Variants in DNAH6 observed in about 807,000 individuals in gnomAD.
The protein encoded by DNAH6 is axonemal beta dynein heavy chain 6.
Under a neutral mutation model 491.4 loss-of-function variants are expected in DNAH6, and 340 were observed. The observed-to-expected ratio is 0.69, with a 90% CI of 0.63 to 0.76. DNAH6 has a LOEUF of 0.76. Among genes scored for constraint, DNAH6 ranks in the 30% least tolerant of loss-of-function variants. DNAH6 has a pLI of 0.00. For missense variants in DNAH6, 4,443 were observed against 4,972.2 expected (o/e 0.89, Z 3.20); for synonymous variants, 1,603 against 1,686.1 (o/e 0.95, Z 1.21).
At chr2:84,714,860 A>G (rs1414894871) in intron 57 of DNAH6, among the ~76,000 whole-genome samples, 1 of 151,002 alleles carries the variant, frequency 6.6e-6, no homozygotes, top group Non-Finnish European at 1.5e-5. Flanking sequence ...TAATATGGTA[A>G]ATATTACAAA....
In DNAH6 at chr2:84,812,259, G is replaced by T. The variant is rs368856301; in HGVS notation, c.11740-82G>T. On this transcript the variant is annotated intron_variant, in intron 72 of 76. Coordinates refer to ENST00000389394, the MANE Select transcript of DNAH6 (RefSeq NM_001370.2). Reference sequence around the variant, plus strand: ...GCAACTGGCGCCTCCAGGCAAGGCAGCCCCTGCTGTCATTAATGTGTGTCA... The same window carrying T: ...GCAACTGGCGCCTCCAGGCAAGGCATCCCCTGCTGTCATTAATGTGTGTCA... 6.1e-6 allele frequency: 8 copies of T among 1,314,356 alleles called. No individual in the cohort carries two copies. The East Asian group carries it at 2.0e-4, about 33-fold the overall frequency. The allele number at this position is 1,314,356 out of a possible 1,614,324, so 81.4% of individuals were successfully genotyped here.
At chr2:84,797,178 G>A (rs149376498) in intron 69 of DNAH6, among the ~76,000 whole-genome samples, 128 of 152,296 alleles carry the variant, frequency 8.4e-4, no homozygotes, top group Non-Finnish European at 1.4e-3. Context: ...AAATATAAAA[G>A]CAATCTCTAA....
chr2:84,474,296 A>G, the DNAH6 span, among the ~76,000 whole-genome samples: 13 of 152,302 alleles, frequency 8.5e-5, no homozygotes, highest in Middle Eastern at 3.4e-3. Flanking sequence ...AGTAGGCTCT[A>G]TATGACCCTT....
chr2:84,649,320 A>G (rs1690197436), intron 33 of DNAH6, among the ~76,000 whole-genome samples: 1 of 152,190 alleles, frequency 6.6e-6, no homozygotes, highest in Non-Finnish European at 1.5e-5. Context: ...AAGTTTCACA[A>G]TGAATGGTAA....
chr2:84,758,786 A>G (rs1480050475), intron 63 of DNAH6, among the ~76,000 whole-genome samples: 1 of 152,158 alleles, frequency 6.6e-6, no homozygotes, highest in East Asian at 1.9e-4. Flanking sequence ...TAGAAGGAAC[A>G]TATCTCAAAA....
At position 84,694,232 on chromosome 2, in the gene DNAH6, T is replaced by G. The variant is rs1695162084; in HGVS notation, c.7293-17T>G. On this transcript the variant is annotated splice_polypyrimidine_tract_variant and intron_variant, in intron 45 of 76. Coordinates refer to ENST00000389394, the MANE Select transcript of DNAH6 (RefSeq NM_001370.2). ...GTCTGTGAACTTGAAATAAACCCTC[T>G]GCTCTGATGTTTGCAGGATTGCTCG... The G allele has an allele frequency of 6.5e-7, 1 of 1,548,890 alleles. No homozygotes were observed. The highest frequency in any genetic ancestry group is 8.7e-7 in the Non-Finnish European group (1 of 1,144,502).
chr2:84,706,831 A>G, intron 52 of DNAH6, 65 bp from the exon 53 acceptor site: 1 of 1,498,230 alleles, frequency 6.7e-7, no homozygotes, highest in South Asian at 1.4e-5. Flanking sequence ...TTAGATCTGT[A>G]TTATTAATGG....
At chr2:84,782,369 AGAGCCCTTTCTCT>A (rs1676777728) in intron 65 of DNAH6, among the ~76,000 whole-genome samples, 1 of 152,232 alleles carries the variant, frequency 6.6e-6, no homozygotes, top group African/African-American at 2.4e-5. Context: ...ATATCCAGAG[AGAGCCCTTTCTCT>A]GAGGCCTTTA....
the DNAH6 span, among the ~76,000 whole-genome samples, chr2:84,474,088 A>G: frequency 6.6e-6 from 1 of 152,194 alleles, no homozygotes; most frequent in African/African-American, 2.4e-5. Flanking sequence ...GGGCAGCTAA[A>G]GGAATGGTAA....
intron 62 of DNAH6, among the ~76,000 whole-genome samples, chr2:84,737,533 GT>G (rs1181331081): frequency 6.6e-6 from 1 of 151,506 alleles, no homozygotes; most frequent in Non-Finnish European, 1.5e-5. Context: ...CAGGATTTTT[GT>G]TTTTTTCGGG....
At chr2:84,511,014 G>GAGTT in the DNAH6 span, among the ~76,000 whole-genome samples, 82 of 152,276 alleles carry the variant, frequency 5.4e-4, 1 homozygote, top group Admixed American at 4.9e-3. Context: ...TGGGCTACTC[G>GAGTT]GGGGTCAGGG....
chr2:84,476,758 G>A, the DNAH6 span, among the ~76,000 whole-genome samples: 3 of 152,154 alleles, frequency 2.0e-5, no homozygotes, highest in Non-Finnish European at 4.4e-5. Context: ...CGTGAACCAT[G>A]GGCAAAACTG....
At chr2:84,613,707 A>T (rs1558798350) in intron 22 of DNAH6, among the ~76,000 whole-genome samples, 1 of 152,120 alleles carries the variant, frequency 6.6e-6, no homozygotes, top group Non-Finnish European at 1.5e-5. Flanking sequence ...GTCAAGGAGA[A>T]GGCAACTGCT....
Position 84,701,168 on chromosome 2 carries a change from G to A in DNAH6, c.7890G>A (p.Leu2630=). 1 of 1,551,800 alleles carries A rather than the reference G, an allele frequency of 6.4e-7. No individual in the cohort carries two copies. The part of the protein sequence containing the change: ...FSQVDAGNEE[L]KEKLPLMCVN... ...AAGTCGATGCTGGAAATGAAGAACT[G>A]AAAGAAAAGCTTCCCTTGATGTGCG... Residue 2630 remains leucine, a synonymous_variant, in exon 49 of 77, where the codon CTG becomes CTA. Transcript: ENST00000389394.
intron 44 of DNAH6, 38 bp downstream of exon 44, chr2:84,686,595 T>A: frequency 8.7e-7 from 1 of 1,148,886 alleles, no homozygotes; most frequent in Non-Finnish European, 1.2e-6. Context: ...ATTTGAAAAT[T>A]GTAAAGCATT....
intron 75 of DNAH6, among the ~76,000 whole-genome samples, chr2:84,815,213 T>C (rs1680369827): frequency 6.6e-6 from 1 of 152,226 alleles, no homozygotes; most frequent in African/African-American, 2.4e-5. Flanking sequence ...AAAAAGAATT[T>C]AGTTTACCAT....
intron 58 of DNAH6, 59 bp from the exon 59 acceptor site, chr2:84,718,145 A>G: frequency 1.5e-6 from 2 of 1,365,826 alleles, no homozygotes; most frequent in Non-Finnish European, 1.9e-6. Flanking sequence ...AAAGAAAAAT[A>G]GAAGCAACTT....
In DNAH6 at chr2:84,653,680, G is replaced by A; in HGVS notation, c.5440G>A (p.Asp1814Asn). The change falls in exon 34 of 77, where the codon GAT becomes AAT. Residue 1814 changes from aspartate to asparagine, a missense_variant. Asp to Asn is a conservative substitution (Grantham distance 23). Around this residue, in one of 3 missense-constraint regions of DNAH6, gnomAD observed 2,977 missense variants for 3,296.6 expected, o/e 0.90. Transcript: ENST00000389394. ...TAATAACTTAACCTTGGAATGGAAA[G>A]ATGGTTTGATGGCACTAAGTGTCCG... ...EVNNLTLEWK[D>N]GLMALSVRAA... 1 of 1,551,278 alleles carries A rather than the reference G, an allele frequency of 6.4e-7. No homozygotes were observed. Among genetic ancestry groups the A allele is most frequent in the Middle Eastern group, 1.7e-4 (1 of 5,986 alleles).
intron 45 of DNAH6, among the ~76,000 whole-genome samples, chr2:84,693,752 T>A (rs1054995117): frequency 1.3e-5 from 2 of 148,966 alleles, no homozygotes; most frequent in Non-Finnish European, 3.0e-5. Flanking sequence ...AAAAAAAAAA[T>A]TCCTGTTAAC....
Sources: gnomAD v4.1 joint callset for allele counts (sites outside exome capture counted in the v4.1 genomes callset) on GRCh38, gnomAD v4.1.1 for gene constraint, gnomAD v4.1.1 regional missense constraint, MANE v1.5 for transcripts, NCBI Gene and HGNC (gene_info 2026-07-23, HGNC 2026-07-21) for gene names.